Variants in COLEC10 observed in about 807,000 individuals in gnomAD.
The protein encoded by COLEC10 is collectin subfamily member 10, also known as collectin-10.
Under a neutral mutation model 28.4 loss-of-function variants are expected in COLEC10, and 22 were observed. That is an observed-to-expected ratio of 0.78 (90% CI 0.55 to 1.11). The LOEUF (loss-of-function observed/expected upper bound fraction) is 1.11, where lower values mean the gene tolerates loss of function less well. Ranked by LOEUF, COLEC10 falls within the 50% of genes least tolerant of loss-of-function variation. COLEC10 has a pLI of 0.00. For synonymous variants in COLEC10, 125 were observed against 116.1 expected (o/e 1.08, Z -0.49); for missense variants, 361 against 344.1 (o/e 1.05, Z -0.39).
In COLEC10 at chr8:119,013,426, G is replaced by A. The variant is rs147790258; in HGVS notation, n.235+3873G>A. Among the ~76,000 whole-genome samples the A allele has an allele frequency of 3.2e-4, 48 of 150,620 alleles. 2 individuals are homozygous for A. The highest frequency in any genetic ancestry group is 1.0e-3 in the African/African-American group (42 of 40,294). On this transcript the variant is annotated intron_variant and non_coding_transcript_variant, in intron 2 of 6. Transcript: ENST00000521788. ...TGTTCCAAGTGAGCTTGAGAAGAAT[G>A]TGTATTCTGTTCTTTTTGGATGAAA...
intron 2 of COLEC10, among the ~76,000 whole-genome samples, chr8:119,047,527 G>A (rs569955944): frequency 1.3e-5 from 2 of 152,268 alleles, no homozygotes; most frequent in African/African-American, 4.8e-5. Context: ...TATTTTATGG[G>A]TCAGGAAGTA....
the COLEC10 span, among the ~76,000 whole-genome samples, chr8:118,981,270 AAAACT>A: frequency 2.2e-3 from 329 of 152,258 alleles, 4 homozygotes; most frequent in Non-Finnish European, 3.8e-3. Context: ...CATGCTTTTT[AAAACT>A]ATCTGCAGAA....
intron 3 of COLEC10, among the ~76,000 whole-genome samples, chr8:119,095,764 A>G (rs962250015): frequency 2.4e-4 from 36 of 152,304 alleles, no homozygotes; most frequent in African/African-American, 8.7e-4. Flanking sequence ...GAAATTGATA[A>G]GCCAATTCAA....
the COLEC10 span, among the ~76,000 whole-genome samples, chr8:118,955,897 C>G: frequency 3.3e-5 from 5 of 152,166 alleles, no homozygotes; most frequent in Non-Finnish European, 7.4e-5. Flanking sequence ...CTTCAAAGAA[C>G]CATACAAAGC....
chr8:118,981,850 C>T, the COLEC10 span, among the ~76,000 whole-genome samples: 10 of 152,052 alleles, frequency 6.6e-5, no homozygotes, highest in African/African-American at 2.4e-5. Context: ...TTTCTCAGTT[C>T]TCTGGTGAGT....
intron 1 of COLEC10, among the ~76,000 whole-genome samples, chr8:119,071,681 C>T (rs1815128757): frequency 6.6e-6 from 1 of 152,136 alleles, no homozygotes; most frequent in Non-Finnish European, 1.5e-5. Context: ...AGAATCAGTC[C>T]TGGAGTGCAA....
the COLEC10 span, among the ~76,000 whole-genome samples, chr8:118,953,483 A>G: frequency 6.6e-6 from 1 of 152,160 alleles, no homozygotes; most frequent in Admixed American, 6.5e-5. Flanking sequence ...CAGAACATAA[A>G]ATGATGCCAA....
chr8:118,975,693 C>T, the COLEC10 span, among the ~76,000 whole-genome samples: 2 of 151,786 alleles, frequency 1.3e-5, no homozygotes, highest in Non-Finnish European at 2.9e-5. Context: ...GAGGTGATTT[C>T]CTAAGAGAGT....
At chr8:119,046,167 T>C (rs1411851843) in intron 2 of COLEC10, among the ~76,000 whole-genome samples, 1 of 152,174 alleles carries the variant, frequency 6.6e-6, no homozygotes, top group Non-Finnish European at 1.5e-5. Flanking sequence ...CATCTCAACA[T>C]TGATTTCTTC....
chr8:119,069,538 T>G (rs1280346231), intron 1 of COLEC10, among the ~76,000 whole-genome samples: 10 of 140,188 alleles, frequency 7.1e-5, no homozygotes, highest in African/African-American at 2.6e-4. Context: ...GTCCAGACAG[T>G]TGAGCCTGCA....
At chr8:119,039,399 C>T (rs1048546422) in intron 2 of COLEC10, among the ~76,000 whole-genome samples, 2 of 152,180 alleles carry the variant, frequency 1.3e-5, no homozygotes, top group African/African-American at 4.8e-5. Context: ...ACTCTGTCTT[C>T]CTCCACCAGA....
At chr8:119,088,984 G>A (rs1353901863) in intron 1 of COLEC10, among the ~76,000 whole-genome samples, 1 of 152,140 alleles carries the variant, frequency 6.6e-6, no homozygotes, top group African/African-American at 2.4e-5. Context: ...ATAGTGAGTG[G>A]TGGAGCTGAG....
chr8:118,976,081 T>A, the COLEC10 span, among the ~76,000 whole-genome samples: 1 of 152,078 alleles, frequency 6.6e-6, no homozygotes, highest in Non-Finnish European at 1.5e-5. Flanking sequence ...AATACCTTAA[T>A]TACAGTTTCT....
At chr8:119,053,505 G>C (rs1296955270) in intron 2 of COLEC10, among the ~76,000 whole-genome samples, 1 of 152,078 alleles carries the variant, frequency 6.6e-6, no homozygotes, top group African/African-American at 2.4e-5. Flanking sequence ...TTGCATTTGA[G>C]TTAGTGAGCA....
chr8:118,977,849 G>T, the COLEC10 span, among the ~76,000 whole-genome samples: 1 of 152,002 alleles, frequency 6.6e-6, no homozygotes, highest in East Asian at 1.9e-4. Flanking sequence ...ACTAGCAAGT[G>T]CTGTACCAGT....
intron 2 of COLEC10, among the ~76,000 whole-genome samples, chr8:119,048,681 T>A (rs1563727290): frequency 1.3e-5 from 2 of 152,128 alleles, no homozygotes; most frequent in South Asian, 2.1e-4. Flanking sequence ...CTGTTTTCTG[T>A]TTTTATGGTA....
At chr8:118,985,901 G>A in the COLEC10 span, among the ~76,000 whole-genome samples, 11 of 152,142 alleles carry the variant, frequency 7.2e-5, no homozygotes, top group African/African-American at 2.2e-4. Flanking sequence ...ACCTATAGCA[G>A]TTCCGATCTG....
the COLEC10 span, among the ~76,000 whole-genome samples, chr8:118,990,096 GA>G: frequency 6.6e-6 from 1 of 151,902 alleles, no homozygotes; most frequent in African/African-American, 2.4e-5. Context: ...ATCACTAGAG[GA>G]AAAAAGATAG....
chr8:118,985,067 G>T, the COLEC10 span, among the ~76,000 whole-genome samples: 1 of 151,684 alleles, frequency 6.6e-6, no homozygotes, highest in Non-Finnish European at 1.5e-5. Context: ...GATGAGATTT[G>T]GGGTGGGGGG....
Sources: gnomAD v4.1 joint callset for allele counts (sites outside exome capture counted in the v4.1 genomes callset) on GRCh38, gnomAD v4.1.1 for gene constraint, MANE v1.5 for transcripts, NCBI Gene and HGNC (gene_info 2026-07-23, HGNC 2026-07-21) for gene names.